Variants in NAV1 observed in about 807,000 individuals in gnomAD.
NAV1 encodes pore membrane and/or filament interacting like protein 3.
Under a neutral mutation model 175.2 loss-of-function variants are expected in NAV1, and 18 were observed. That is an observed-to-expected ratio of 0.10 (90% CI 0.07 to 0.15). The LOEUF (loss-of-function observed/expected upper bound fraction) is 0.15, where lower values mean the gene tolerates loss of function less well. Ranked by LOEUF, NAV1 falls within the 10% of genes least tolerant of loss-of-function variation. The probability of loss-of-function intolerance (pLI) is 1.00; values close to 1 mark genes in which losing one functional copy is unlikely to be tolerated. For missense variants in NAV1, 1,731 were observed against 2,436.6 expected, an observed-to-expected ratio of 0.71 and a Z score of 6.10; for synonymous variants, 897 against 978.7, an observed-to-expected ratio of 0.92 and a Z score of 1.56.
At chr1:201,752,017 A>G (rs144235334) in intron 3 of NAV1, among the ~76,000 whole-genome samples, 1,618 of 152,316 alleles carry the variant, frequency 0.011, 41 homozygotes, top group African/African-American at 0.037. Context: ...TTCACAATGC[A>G]TTAGCTGGGT....
At position 201,761,604 on chromosome 1, in the gene NAV1, G is replaced by C. The variant is rs183116434; in HGVS notation, c.1227-18817G>C. On this transcript the variant is annotated intron_variant, in intron 3 of 29. Coordinates refer to ENST00000367296, the Ensembl canonical transcript of NAV1. ...TTAATAAAGTAGACTTTTATTTGTTGCTTTATGCATCAGGAACATATACAG... is the reference window on the plus strand; with the variant it reads ...TTAATAAAGTAGACTTTTATTTGTTCCTTTATGCATCAGGAACATATACAG... Among the ~76,000 whole-genome samples, 73 of 152,242 alleles carry C rather than the reference G, an allele frequency of 4.8e-4. 1 individual carries two copies. The highest frequency in any genetic ancestry group is 1.7e-3 in the African/African-American group (69 of 41,526).
In NAV1 at chr1:201,740,154, G is replaced by A. The variant is rs2102551199; in HGVS notation, c.1226+21399G>A. On this transcript the variant is annotated intron_variant, in intron 3 of 29. Coordinates refer to ENST00000367296, the Ensembl canonical transcript of NAV1. The surrounding 1 kb of genome is among the most constrained non-coding windows in gnomAD (Gnocchi z 4.7). ...GGTTTGTGGCACCCCCAGCCCCGCC[G>A]CAGCCCCCCAGTTCCGCCGCAGCTG... The A allele has an allele frequency of 3.3e-6, 4 of 1,200,602 alleles. No homozygotes were observed. The highest frequency in any genetic ancestry group is 1.7e-5 in the South Asian group (1 of 58,690). 74.4% of individuals were successfully genotyped at this position (1,200,602 alleles called of 1,614,324 possible). A position where few individuals can be genotyped will look rare whatever the true frequency, so the allele number is the denominator to read the frequency against.
chr1:201,648,235 G>T, upstream of NAV1: 1 of 1,017,560 alleles, frequency 9.8e-7, no homozygotes, highest in Non-Finnish European at 1.2e-6. Context: ...GGCGCTGCCC[G>T]GCAGTGCGGT....
At chr1:201,793,909 T>TGGGGGGGGGGGGCCC in intron 14 of NAV1, 34 bp downstream of exon 18, 2 of 516,476 alleles carry the variant, frequency 3.9e-6, no homozygotes, top group Non-Finnish European at 7.8e-6. Context: ...GAGGGGTGGG[T>TGGGGGGGGGGGGCCC]GCGGCGAGGG....
intron 2 of NAV1, among the ~76,000 whole-genome samples, chr1:201,607,137 A>T (rs1215518961): frequency 5.0e-5 from 7 of 139,442 alleles, no homozygotes; most frequent in African/African-American, 1.9e-4. Flanking sequence ...TTTTTTTGAG[A>T]TGGAGTCTCC....
chr1:201,639,859 G>C (rs1668702300), intron 2 of NAV1, among the ~76,000 whole-genome samples: 1 of 152,190 alleles, frequency 6.6e-6, no homozygotes, highest in South Asian at 2.1e-4. Flanking sequence ...TGTGTGACTA[G>C]AGGTGACTTG....
intron 1 of NAV1, among the ~76,000 whole-genome samples, chr1:201,570,472 C>T (rs781446821): frequency 6.6e-6 from 1 of 152,246 alleles, no homozygotes; most frequent in Non-Finnish European, 1.5e-5. Context: ...AGCAAGCAGG[C>T]CTGCCCTGGG....
chr1:201,634,824 G>A (rs1255275519), intron 2 of NAV1, among the ~76,000 whole-genome samples: 1 of 152,120 alleles, frequency 6.6e-6, no homozygotes, highest in African/African-American at 2.4e-5. Flanking sequence ...TCTAAAAGGT[G>A]TGTGAGTGAT....
At chr1:201,817,000 A>G in intron 28 of NAV1, 88 bp from the exon 33 acceptor site, 3 of 1,271,590 alleles carry the variant, frequency 2.4e-6, no homozygotes, top group South Asian at 2.7e-5. Flanking sequence ...TAAGGAGCCT[A>G]TTTTTTGTAG....
At chr1:201,551,459 G>A (rs1248062857) in intron 1 of NAV1, among the ~76,000 whole-genome samples, 1 of 152,060 alleles carries the variant, frequency 6.6e-6, no homozygotes, top group African/African-American at 2.4e-5. Flanking sequence ...GAACTCCGAG[G>A]CTCAAGTGAT....
intron 15 of NAV1, among the ~76,000 whole-genome samples, chr1:201,799,142 T>A (rs1677669387): frequency 6.6e-6 from 1 of 152,058 alleles, no homozygotes; most frequent in Non-Finnish European, 1.5e-5. Context: ...AACAGATGTG[T>A]TCTCTGTAAC....
chr1:201,788,772 T>C lies in NAV1; in HGVS notation c.3166+134T>C. On this transcript the variant is annotated intron_variant, in intron 10 of 29. Coordinates refer to ENST00000367296, the Ensembl canonical transcript of NAV1. This position sits in a 1 kb window ranked among gnomAD's most constrained non-coding sequence, Gnocchi z 5.7. ...AGAACATCAAGTTGGGCCATTTCAG[T>C]TTTTTCTCCCCATCCCTTTGAAGGG... 2 of 1,111,416 alleles carry C rather than the reference T, an allele frequency of 1.8e-6. No homozygotes were observed. Among genetic ancestry groups the C allele is most frequent in the Non-Finnish European group, 2.5e-6 (2 of 794,334 alleles). The allele number at this position is 1,111,416 out of a possible 1,614,324, so 68.8% of individuals were successfully genotyped here.
At chr1:201,558,066 A>G (rs1666083530) in intron 1 of NAV1, among the ~76,000 whole-genome samples, 1 of 152,218 alleles carries the variant, frequency 6.6e-6, no homozygotes, top group African/African-American at 2.4e-5. Flanking sequence ...CTTCGTGCAT[A>G]TTATTTATCC....
chr1:201,703,983 G>A (rs1475947670), intron 1 of NAV1, among the ~76,000 whole-genome samples: 2 of 152,326 alleles, frequency 1.3e-5, no homozygotes, highest in East Asian at 3.9e-4. Flanking sequence ...CCAGGGGACT[G>A]GAGCAGAAAG....
chr1:201,757,909 G>A (rs1350003943), intron 3 of NAV1, among the ~76,000 whole-genome samples: 2 of 152,232 alleles, frequency 1.3e-5, no homozygotes, highest in East Asian at 3.9e-4. Flanking sequence ...TTCCCAGGTG[G>A]TTGTGGAAAG....
chr1:201,772,143 A>G (rs1426492104), intron 3 of NAV1, among the ~76,000 whole-genome samples: 1 of 152,260 alleles, frequency 6.6e-6, no homozygotes, highest in Non-Finnish European at 1.5e-5. Flanking sequence ...ATGTGTGGAC[A>G]TAACTATTTC....
chr1:201,787,688 A>T lies in NAV1; in HGVS notation c.2996-780A>T. ...ACAGATTAGACATCCACCTGCCTGT[A>T]TGGAGGCAGAAGAATAGACAAGGGA... On this transcript the variant is annotated intron_variant, in intron 9 of 29. Coordinates refer to ENST00000367296, the Ensembl canonical transcript of NAV1. The surrounding 1 kb of genome is among the most constrained non-coding windows in gnomAD (Gnocchi z 4.3). The T allele has an allele frequency of 2.2e-6, 1 of 456,266 alleles. No individual in the cohort carries two copies. The highest frequency in any genetic ancestry group is 4.4e-6 in the Non-Finnish European group (1 of 226,958). The allele number at this position is 456,266 out of a possible 1,614,324, so 28.3% of individuals were successfully genotyped here. A position where few individuals can be genotyped will look rare whatever the true frequency, so the allele number is the denominator to read the frequency against.
intron 1 of NAV1, among the ~76,000 whole-genome samples, chr1:201,568,301 C>A (rs1222318075): frequency 6.6e-6 from 1 of 151,982 alleles, no homozygotes; most frequent in African/African-American, 2.4e-5. Context: ...TCTGGGTTGC[C>A]AATCCCAGAA....
chr1:201,668,561 G>A (rs756635630), intron 1 of NAV1, among the ~76,000 whole-genome samples: 5 of 152,062 alleles, frequency 3.3e-5, no homozygotes, highest in African/African-American at 9.7e-5. Flanking sequence ...ATGGGGTGCC[G>A]CTGTGGAAGG....
Sources: allele counts gnomAD v4.1 joint callset (sites outside exome capture counted in the v4.1 genomes callset), GRCh38; gene constraint gnomAD v4.1.1; non-coding constraint Gnocchi (gnomAD v3.1); transcripts MANE v1.5; gene names NCBI Gene and HGNC (gene_info 2026-07-23, HGNC 2026-07-21).